Variants in PRH1 observed in about 807,000 individuals in gnomAD.
PRH1 encodes salivary acidic proline-rich phosphoprotein 1/2.
Under a neutral mutation model 7.9 loss-of-function variants are expected in PRH1, and 7 were observed. The observed-to-expected ratio is 0.89, with a 90% CI of 0.50 to 1.67. The LOEUF is 1.67. Among genes scored for constraint, PRH1 ranks in the 40% most tolerant of loss-of-function variants. The probability of loss-of-function intolerance (pLI) is 0.00; values close to 1 mark genes in which losing one functional copy is unlikely to be tolerated. For missense variants in PRH1, 109 were observed against 223.6 expected (o/e 0.49, Z 3.27); for synonymous variants, 45 against 80.8 (o/e 0.56, Z 2.38).
intron 1 of PRH1, among the ~76,000 whole-genome samples, chr12:11,043,572 AT>A (rs1411219177): frequency 6.6e-6 from 1 of 151,702 alleles, no homozygotes; most frequent in Non-Finnish European, 1.5e-5. Context: ...AACTATTAGA[AT>A]TGATAAACAA....
intron 2 of PRH1, among the ~76,000 whole-genome samples, chr12:10,925,630 C>T (rs1173791142): frequency 9.9e-5 from 15 of 152,102 alleles, no homozygotes; most frequent in Non-Finnish European, 1.9e-4. Context: ...TGGAAGCCTA[C>T]GTAAATGTGC....
chr12:11,054,673 T>C (rs201556431), intron 1 of PRH1, among the ~76,000 whole-genome samples: 1,529 of 27,180 alleles, frequency 0.056, no homozygotes, highest in East Asian at 0.25. Flanking sequence ...AATATCTATA[T>C]TACTATAATT....
chr12:10,994,625 A>G (rs1337764883), intron 1 of PRH1, among the ~76,000 whole-genome samples: 6 of 149,740 alleles, frequency 4.0e-5, no homozygotes, highest in Non-Finnish European at 7.4e-5. Flanking sequence ...TCACTTTAAT[A>G]TCAGACATTT....
intron 2 of PRH1, among the ~76,000 whole-genome samples, chr12:10,945,860 G>A (rs1950478880): frequency 6.6e-6 from 1 of 152,210 alleles, no homozygotes; most frequent in Admixed American, 6.5e-5. Flanking sequence ...TCTCAGGGAT[G>A]TTCCTTGCTG....
At chr12:11,133,914 C>CA in intron 1 of PRH1, 1 of 1,614,106 alleles carries the variant, frequency 6.2e-7, no homozygotes, top group Non-Finnish European at 8.5e-7. Context: ...GAGAAATTGG[C>CA]AATCCTGAGC....
rs750057556 is a variant in PRH1, at chr12:11,096,268, TG to T, written n.124-49081del. On this transcript the variant is annotated intron_variant and non_coding_transcript_variant, in intron 1 of 4. Coordinates refer to the PRH1 transcript ENST00000541977. Reference sequence around the variant, plus strand: ...TATTTTCTACCTCTTGATCTCTTTATGCTTCATTCTGGGTAGTTATCTTCCA... The same window carrying T: ...TATTTTCTACCTCTTGATCTCTTTATCTTCATTCTGGGTAGTTATCTTCCA... Among the ~76,000 whole-genome samples the T allele has an allele frequency of 3.1e-4, 36 of 115,614 alleles. 11 individuals are homozygous for T. Among genetic ancestry groups the T allele is most frequent in the South Asian group, 7.1e-4 (3 of 4,246 alleles). 75.8% of individuals were successfully genotyped at this position (115,614 alleles called of 152,430 possible).
intron 2 of PRH1, among the ~76,000 whole-genome samples, chr12:10,931,396 A>C (rs150393794): frequency 3.9e-5 from 6 of 152,312 alleles, no homozygotes; most frequent in Middle Eastern, 3.4e-3. Flanking sequence ...CCATTTATTT[A>C]AAGTTTTACC....
At chr12:11,007,643 T>C (rs946559059) in intron 1 of PRH1, among the ~76,000 whole-genome samples, 3 of 152,130 alleles carry the variant, frequency 2.0e-5, no homozygotes, top group African/African-American at 7.2e-5. Flanking sequence ...AGCTCACTCA[T>C]GTAATTTGCT....
chr12:10,914,412 A>G (rs1555105934), intron 2 of PRH1, among the ~76,000 whole-genome samples: 1 of 152,234 alleles, frequency 6.6e-6, no homozygotes, highest in Non-Finnish European at 1.5e-5. Context: ...AAGGATTTCT[A>G]AAAGAGGAAG....
At chr12:10,922,531 A>G (rs912008691) in intron 2 of PRH1, among the ~76,000 whole-genome samples, 21 of 152,134 alleles carry the variant, frequency 1.4e-4, no homozygotes, top group Admixed American at 1.1e-3. Context: ...TATAGTGTAC[A>G]TGGTTTAGGT....
intron 1 of PRH1, among the ~76,000 whole-genome samples, chr12:11,057,912 T>A (rs745930671): frequency 6.6e-6 from 1 of 152,264 alleles, no homozygotes; most frequent in Admixed American, 6.5e-5. Flanking sequence ...GTTCTCTGTT[T>A]AATTTACATT....
At chr12:11,016,399 C>A (rs922234743) in intron 1 of PRH1, among the ~76,000 whole-genome samples, 18 of 152,280 alleles carry the variant, frequency 1.2e-4, no homozygotes, top group African/African-American at 4.3e-4. Flanking sequence ...GCAACGGACT[C>A]GCATATTGGT....
chr12:10,913,337 C>A (rs1278141894), intron 2 of PRH1, among the ~76,000 whole-genome samples: 1 of 152,052 alleles, frequency 6.6e-6, no homozygotes, highest in Non-Finnish European at 1.5e-5. Flanking sequence ...CACCTGTAGT[C>A]CCAGCTACTC....
chr12:11,103,706 A>G (rs1945325162), intron 1 of PRH1, among the ~76,000 whole-genome samples: 1 of 152,042 alleles, frequency 6.6e-6, no homozygotes, highest in African/African-American at 2.4e-5. Flanking sequence ...ATAAATAAAT[A>G]AAATATAAAA....
chr12:11,072,356 A>C (rs79627598), intron 1 of PRH1, among the ~76,000 whole-genome samples: 1 of 151,448 alleles, frequency 6.6e-6, no homozygotes, highest in Non-Finnish European at 1.5e-5. Flanking sequence ...AGGTGGATCT[A>C]ATCAGTTTGC....
intron 1 of PRH1, chr12:11,061,969 T>C (rs531912710): frequency 7.4e-6 from 12 of 1,613,972 alleles, no homozygotes; most frequent in African/African-American, 4.0e-5. Context: ...ATTGGCAATC[T>C]TGAGCAAATA....
At chr12:11,086,808 G>T (rs1944720167) in intron 1 of PRH1, among the ~76,000 whole-genome samples, 2 of 114,132 alleles carry the variant, frequency 1.8e-5, no homozygotes, top group South Asian at 2.4e-4. Flanking sequence ...CAGCTACTCA[G>T]GTGGCTGTGG....
intron 1 of PRH1, among the ~76,000 whole-genome samples, chr12:11,035,893 C>CTTTGT (rs1250595903): frequency 6.6e-6 from 1 of 151,950 alleles, no homozygotes; most frequent in Non-Finnish European, 1.5e-5. Context: ...GCTGTTTTTG[C>CTTTGT]TTTGTTTTGT....
chr12:10,968,947 C>T (rs1235136369), intron 2 of PRH1, among the ~76,000 whole-genome samples: 1 of 152,238 alleles, frequency 6.6e-6, no homozygotes, highest in South Asian at 2.1e-4. Flanking sequence ...GAGGCGGCTG[C>T]CTCTTGCCAG....
Sources: gnomAD v4.1 joint callset for allele counts (sites outside exome capture counted in the v4.1 genomes callset) on GRCh38, gnomAD v4.1.1 for gene constraint, MANE v1.5 for transcripts, NCBI Gene and HGNC (gene_info 2026-07-23, HGNC 2026-07-21) for gene names.